SLC25A13: variants seen among roughly 807,000 people sequenced by gnomAD.
The protein encoded by SLC25A13 is electrogenic aspartate/glutamate antiporter SLC25A13, mitochondrial.
In SLC25A13, 70 loss-of-function variants were observed where a neutral mutation model predicts 85.5. That is an observed-to-expected ratio of 0.82 (90% confidence interval 0.68 to 1.00). The LOEUF is 1.00. Among genes scored for constraint, SLC25A13 ranks in the 50% least tolerant of loss-of-function variants. SLC25A13 has a pLI of 0.00. For missense variants in SLC25A13, 765 were observed against 819.8 expected (o/e 0.93, Z 0.82); for synonymous variants, 259 against 288.7 (o/e 0.90, Z 1.04).
intron 3 of SLC25A13, among the ~76,000 whole-genome samples, chr7:96,237,598 T>C (rs1796793432): frequency 6.6e-6 from 1 of 151,980 alleles, no homozygotes; most frequent in African/African-American, 2.4e-5. Flanking sequence ...GTGTGGAAGA[T>C]GAATTTAAAG....
In SLC25A13 at chr7:96,242,371, T is replaced by C. The variant is rs757741122; in HGVS notation, c.213-7454A>G. 7.2e-5 allele frequency among the ~76,000 whole-genome samples: 11 copies of C among 152,202 alleles called. 1 individual carries two copies. Among genetic ancestry groups the C allele is most frequent in the Admixed American group, 1.3e-4 (2 of 15,278 alleles). ...GCTTTTGGCTTTTATAGCTCTTCTC[T>C]TTCCCGCCCATATTCCTTGCAAATA... On this transcript the variant is annotated intron_variant, in intron 3 of 17. Transcript: ENST00000265631.
At chr7:96,301,961 A>G (rs1054150699) in intron 1 of SLC25A13, among the ~76,000 whole-genome samples, 2 of 152,146 alleles carry the variant, frequency 1.3e-5, no homozygotes, top group African/African-American at 4.8e-5. Context: ...GAAAAACTCT[A>G]TGCATAGTTT....
intron 15 of SLC25A13, among the ~76,000 whole-genome samples, chr7:96,124,144 G>A (rs1444917256): frequency 6.6e-6 from 1 of 152,192 alleles, no homozygotes; most frequent in African/African-American, 2.4e-5. Context: ...AGGGGGCCCA[G>A]CTAGAGTAGA....
chr7:96,248,711 T>C lies in SLC25A13; in HGVS notation c.213-13794A>G, dbSNP rs542745871. On this transcript the variant is annotated intron_variant, in intron 3 of 17. Coordinates refer to ENST00000265631, the MANE Select transcript of SLC25A13 (RefSeq NM_014251.3). ...AAAATTATTTGGTTTTAATTGTATA[T>C]TCCATTTTGGTTTCAGCACTCTGTT... is the stretch of plus-strand genomic sequence containing the variant. Among the ~76,000 whole-genome samples the C allele has an allele frequency of 4.6e-5, 7 of 152,318 alleles. No homozygotes were observed. In the East Asian group the frequency reaches 1.2e-3, roughly 25 times the overall value.
chr7:96,249,914 TG>T (rs561237514), intron 3 of SLC25A13, among the ~76,000 whole-genome samples: 159 of 147,414 alleles, frequency 1.1e-3, no homozygotes, highest in Middle Eastern at 3.6e-3. Flanking sequence ...CCAGGCATGG[TG>T]GCTCACGCCT....
intron 9 of SLC25A13, among the ~76,000 whole-genome samples, chr7:96,188,781 T>A (rs1794730768): frequency 6.6e-6 from 1 of 152,220 alleles, no homozygotes; most frequent in Non-Finnish European, 1.5e-5. Context: ...ATGAATCCTT[T>A]CACAGAGAAA....
chr7:96,265,084 A>T (rs1797999223), intron 3 of SLC25A13, among the ~76,000 whole-genome samples: 1 of 152,176 alleles, frequency 6.6e-6, no homozygotes, highest in African/African-American at 2.4e-5. Flanking sequence ...TTGATACAAC[A>T]CCAAATCCCA....
At chr7:96,181,318 T>C (rs1225701272) in intron 11 of SLC25A13, among the ~76,000 whole-genome samples, 2 of 152,216 alleles carry the variant, frequency 1.3e-5, no homozygotes, top group African/African-American at 2.4e-5. Context: ...TATATTTCTA[T>C]TGAAGAGCAC....
At chr7:96,234,196 T>A (rs1175647804) in intron 4 of SLC25A13, among the ~76,000 whole-genome samples, 1 of 152,206 alleles carries the variant, frequency 6.6e-6, no homozygotes, top group Admixed American at 6.5e-5. Flanking sequence ...TTGAAAAACA[T>A]CAGGGTTTTC....
intron 3 of SLC25A13, among the ~76,000 whole-genome samples, chr7:96,250,859 C>A (rs1365207139): frequency 7.2e-5 from 11 of 151,944 alleles, no homozygotes; most frequent in African/African-American, 2.7e-4. Flanking sequence ...AAGAATCCCA[C>A]CTCTTCTGGA....
At chr7:96,275,163 A>G (rs1294642153) in intron 3 of SLC25A13, among the ~76,000 whole-genome samples, 1 of 152,064 alleles carries the variant, frequency 6.6e-6, no homozygotes, top group Admixed American at 6.6e-5. Flanking sequence ...ATTTGTTTGT[A>G]TCCTCTTTTA....
At chr7:96,263,718 T>C (rs1335628683) in intron 3 of SLC25A13, among the ~76,000 whole-genome samples, 18 of 152,134 alleles carry the variant, frequency 1.2e-4, no homozygotes. Flanking sequence ...ATACTTATCC[T>C]TCAATATACT....
chr7:96,134,586 G>T (rs1792183503), intron 14 of SLC25A13, among the ~76,000 whole-genome samples: 1 of 151,530 alleles, frequency 6.6e-6, no homozygotes, highest in Non-Finnish European at 1.5e-5. Flanking sequence ...GAATCAGTTG[G>T]GTCTTCTGAA....
At chr7:96,287,077 A>G (rs1472567708) in intron 2 of SLC25A13, among the ~76,000 whole-genome samples, 6 of 152,260 alleles carry the variant, frequency 3.9e-5, no homozygotes, top group Admixed American at 2.0e-4. Flanking sequence ...GGTTTACAGA[A>G]TGCTTACTGC....
intron 4 of SLC25A13, among the ~76,000 whole-genome samples, chr7:96,224,175 G>A (rs1241523652): frequency 6.6e-6 from 1 of 152,084 alleles, no homozygotes; most frequent in Non-Finnish European, 1.5e-5. Context: ...CTCACAAAGT[G>A]GGGTGACTAT....
intron 3 of SLC25A13, among the ~76,000 whole-genome samples, chr7:96,266,695 T>C (rs780758702): frequency 2.0e-5 from 3 of 152,348 alleles, no homozygotes; most frequent in Admixed American, 1.3e-4. Context: ...AAATTCTTTT[T>C]AATTTACTGC....
At chr7:96,228,663 C>T (rs778298791) in intron 4 of SLC25A13, among the ~76,000 whole-genome samples, 1 of 152,178 alleles carries the variant, frequency 6.6e-6, no homozygotes, top group Non-Finnish European at 1.5e-5. Context: ...CCTCTCTGGG[C>T]CGAGGCCAGA....
chr7:96,257,866 T>A (rs80344132), intron 3 of SLC25A13, among the ~76,000 whole-genome samples: 1,884 of 152,190 alleles, frequency 0.012, 39 homozygotes, highest in African/African-American at 0.043. Context: ...GCTTATCTAC[T>A]ATAATCAAGT....
In SLC25A13 at chr7:96,212,915, A is replaced by G. The variant is rs181378465; in HGVS notation, c.329-3938T>C. Among the ~76,000 whole-genome samples, 394 of 152,364 alleles carry G rather than the reference A, an allele frequency of 2.6e-3. 3 individuals are homozygous for G. The highest frequency in any genetic ancestry group is 9.1e-3 in the African/African-American group (377 of 41,580). On this transcript the variant is annotated intron_variant, in intron 4 of 17. Transcript: ENST00000265631. ...TTACTCTCTTGACCTACCTAGCAGGATTATGTACTCAAATATCATAAGATT... is the reference window on the plus strand; with the variant it reads ...TTACTCTCTTGACCTACCTAGCAGGGTTATGTACTCAAATATCATAAGATT...
Sources: allele counts gnomAD v4.1 joint callset (sites outside exome capture counted in the v4.1 genomes callset), GRCh38; gene constraint gnomAD v4.1.1; transcripts MANE v1.5; gene names NCBI Gene and HGNC (gene_info 2026-07-23, HGNC 2026-07-21).